Variants in COL3A1 observed in about 807,000 individuals in gnomAD.
The protein encoded by COL3A1 is collagen type III alpha 1 chain.
COL3A1 carries 46 observed loss-of-function variants against 200.9 expected under a neutral mutation model. That is an observed-to-expected ratio of 0.23 (90% CI 0.18 to 0.29). The LOEUF (loss-of-function observed/expected upper bound fraction) is 0.29. Ranked by LOEUF, COL3A1 falls within the 10% of genes least tolerant of loss-of-function variation. The probability of loss-of-function intolerance (pLI) is 1.00; values close to 1 mark genes in which losing one functional copy is unlikely to be tolerated. For missense variants in COL3A1, 1,367 were observed against 1,917.6 expected (o/e 0.71, Z 5.36); for synonymous variants, 650 against 628.0 (o/e 1.03, Z -0.52).
At chr2:188,995,454 A>ATTTTTAAGC (rs1350813986) in intron 21 of COL3A1, among the ~76,000 whole-genome samples, 1 of 152,224 alleles carries the variant, frequency 6.6e-6, no homozygotes, top group African/African-American at 2.4e-5. Context: ...ACATAATTAT[A>ATTTTTAAGC]TTTTTAAGCA....
chr2:188,987,093 A>C lies in COL3A1; in HGVS notation c.482A>C (p.Lys161Thr). The C allele has an allele frequency of 6.2e-7, 1 of 1,613,106 alleles. No individual in the cohort carries two copies. Among genetic ancestry groups the C allele is most frequent in the South Asian group, 1.1e-5 (1 of 91,068 alleles). Residue 161 changes from lysine to threonine, a missense_variant, in exon 5 of 51, where the codon AAG (lysine) becomes ACG (threonine). Lys to Thr is a moderately conservative substitution (Grantham distance 78). This residue lies in a region of COL3A1 where 462 missense variants were observed against 681.4 expected (regional missense o/e 0.68). Transcript: ENST00000304636. ...YSPQYDSYDV[K>T]SGVAVGGLAG... ...CCCCAGTATGATTCATATGATGTCA[A>C]GTCTGGAGTAGCAGTAGGAGGACTC...
chr2:189,011,976 G>C lies in COL3A1; in HGVS notation c.*202G>C. 1 of 615,846 alleles carries C rather than the reference G, an allele frequency of 1.6e-6. No individual in the cohort carries two copies. The highest frequency in any genetic ancestry group is 2.0e-5 in the South Asian group (1 of 49,408). 38.1% of individuals were successfully genotyped at this position (615,846 alleles called of 1,614,324 possible). A position where few individuals can be genotyped will look rare whatever the true frequency, so the allele number is the denominator to read the frequency against. On this transcript the variant is annotated 3_prime_UTR_variant, in exon 51 of 51. Transcript: ENST00000304636. Reference sequence around the variant, plus strand: ...ACCAAATACAATTCAAATGCTTTTTGTTTTATTTTTTTACCAATTCCAATT... The same window carrying C: ...ACCAAATACAATTCAAATGCTTTTTCTTTTATTTTTTTACCAATTCCAATT...
At chr2:189,010,154 C>T (rs1023907607) in intron 48 of COL3A1, 24 bp from the exon 49 acceptor site, 1 of 1,612,088 alleles carries the variant, frequency 6.2e-7, no homozygotes, top group African/African-American at 1.3e-5. Flanking sequence ...TAACCAATTC[C>T]CATTCTTTTT....
chr2:188,976,287 G>GT (rs1213314725), intron 1 of COL3A1, among the ~76,000 whole-genome samples: 13 of 133,282 alleles, frequency 9.8e-5, no homozygotes, highest in Admixed American at 1.5e-4. Flanking sequence ...CAACTTTAGT[G>GT]GGGGGGTGTT....
rs1229889223 is a variant in COL3A1 at position 188,994,630 on chromosome 2, A to C, written c.1347+36A>C. On this transcript the variant is annotated intron_variant, in intron 19 of 50. Transcript: ENST00000304636. This position sits in a 1 kb window ranked among gnomAD's most constrained non-coding sequence, Gnocchi z 4.5. ...CTGCAACAGATCTGGTTATTTCTTGAAAAAATGCAACATAATTAGAAAGTA... is the reference window on the plus strand; with the variant it reads ...CTGCAACAGATCTGGTTATTTCTTGCAAAAATGCAACATAATTAGAAAGTA... 1 of 1,613,866 alleles carries C rather than the reference A, an allele frequency of 6.2e-7. No individual in the cohort carries two copies. Among genetic ancestry groups the C allele is most frequent in the East Asian group, 2.2e-5 (1 of 44,878 alleles).
At chr2:188,998,158 C>A in intron 27 of COL3A1, 108 bp from the exon 28 acceptor site, 1 of 998,668 alleles carries the variant, frequency 1.0e-6, no homozygotes, top group Non-Finnish European at 1.6e-6. Flanking sequence ...CCCTACAAGA[C>A]CACTGGAACT....
chr2:188,983,124 T>C (rs1687989192), intron 1 of COL3A1, among the ~76,000 whole-genome samples: 2 of 151,974 alleles, frequency 1.3e-5, no homozygotes, highest in Admixed American at 1.3e-4. Context: ...TTTTAAAAGC[T>C]TAGGAAATGT....
At chr2:188,995,009 C>T in intron 20 of COL3A1, 37 bp from the exon 21 acceptor site, 1 of 1,607,490 alleles carries the variant, frequency 6.2e-7, no homozygotes, top group Non-Finnish European at 8.5e-7. Context: ...GAATTGAAAT[C>T]CTTTGGACTG....
At chr2:189,007,965 G>C (rs760056762) in intron 46 of COL3A1, 27 bp downstream of exon 46, 1 of 1,614,064 alleles carries the variant, frequency 6.2e-7, no homozygotes, top group Non-Finnish European at 8.5e-7. Context: ...GATATTACAG[G>C]TCCACATGTT....
At position 188,990,354 on chromosome 2, in the gene COL3A1, A is replaced by G. The variant is rs113304344; in HGVS notation, c.792A>G (p.Gly264=). The G allele has an allele frequency of 1.6e-5, 26 of 1,612,804 alleles. No homozygotes were observed. The highest frequency in any genetic ancestry group is 2.7e-5 in the African/African-American group (2 of 74,906). Residue 264 remains glycine, a synonymous_variant, in exon 10 of 51, where the codon GGA becomes GGG. Coordinates refer to ENST00000304636, the MANE Select transcript of COL3A1 (RefSeq NM_000090.4). ...AGIPGFPGMK[G]HRGFDGRNGE... Reference sequence around the variant, plus strand: ...TACCTGGATTCCCTGGTATGAAAGGACACAGAGTAAGTAGAGTTTCTAAGT... The same window carrying G: ...TACCTGGATTCCCTGGTATGAAAGGGCACAGAGTAAGTAGAGTTTCTAAGT...
Position 188,994,929 on chromosome 2 carries a change from T to C in COL3A1, c.1455+98T>C, listed in dbSNP as rs973327006. The C allele has an allele frequency of 6.5e-7, 1 of 1,546,906 alleles. No homozygotes were observed. The highest frequency in any genetic ancestry group is 1.4e-5 in the African/African-American group (1 of 73,462). ...GACAGCCAATTTTTCTTAAGTTGAG[T>C]GTTCAGTGAAAATATTGTTTAAAGC... On this transcript the variant is annotated intron_variant, in intron 20 of 50. Transcript: ENST00000304636. This position sits in a 1 kb window ranked among gnomAD's most constrained non-coding sequence, Gnocchi z 4.5.
chr2:189,008,780 G>C, intron 47 of COL3A1, 144 bp from the exon 48 acceptor site: 2 of 863,402 alleles, frequency 2.3e-6, no homozygotes. Context: ...TGACCCTAAA[G>C]GCACCCAAAT....
In COL3A1 at chr2:188,985,212, A is replaced by G; in HGVS notation, c.298A>G (p.Asn100Asp). 1 of 1,612,492 alleles carries G rather than the reference A, an allele frequency of 6.2e-7. No homozygotes were observed. The highest frequency in any genetic ancestry group is 8.5e-7 in the Non-Finnish European group (1 of 1,178,814). ...QPPTAPTRPP[N>D]GQGPQGPKGD... ...CATTTATTAGCCTACTCGCCCTCCTAATGGTCAAGGACCTCAAGGCCCCAA... is the reference window on the plus strand; with the variant it reads ...CATTTATTAGCCTACTCGCCCTCCTGATGGTCAAGGACCTCAAGGCCCCAA... The change falls in exon 3 of 51, where the codon AAT (asparagine) becomes GAT (aspartate). Residue 100 changes from asparagine to aspartate, a missense_variant. Around this residue, in one of 5 missense-constraint regions of COL3A1, gnomAD observed 462 missense variants for 681.4 expected, o/e 0.68. Transcript: ENST00000304636.
At chr2:188,986,619 G>A (rs1347344571) in intron 4 of COL3A1, among the ~76,000 whole-genome samples, 1 of 151,898 alleles carries the variant, frequency 6.6e-6, no homozygotes, top group Non-Finnish European at 1.5e-5. Context: ...GAATCCAGGG[G>A]ATATGAATTT....
chr2:188,988,729 A>C (rs550009137), intron 7 of COL3A1, 86 bp downstream of exon 7: 1 of 896,732 alleles, frequency 1.1e-6, no homozygotes, highest in South Asian at 1.5e-5. Context: ...ATAGGTCTTT[A>C]CAGAATGAAG....
In COL3A1 at chr2:189,009,023, G is replaced by C; in HGVS notation, c.3625G>C (p.Gly1209Arg). 1 of 1,614,180 alleles carries C rather than the reference G, an allele frequency of 6.2e-7. No individual in the cohort carries two copies. The highest frequency in any genetic ancestry group is 8.5e-7 in the Non-Finnish European group (1 of 1,180,038). Residue 1209 changes from glycine to arginine, a missense_variant, in exon 48 of 51, where the codon GGA becomes CGA. Gly to Arg is a moderately radical substitution (Grantham distance 125). Coordinates refer to ENST00000304636, the MANE Select transcript of COL3A1 (RefSeq NM_000090.4). ...TGGAGCCGCTGCCATTGCTGGGATT[G>C]GAGGTGAAAAAGCTGGCGGTTTTGC... ...GVGAAAIAGI[G>R]GEKAGGFAPY...
At chr2:188,991,337 G>A in intron 11 of COL3A1, 150 bp from the exon 12 acceptor site, 1 of 634,806 alleles carries the variant, frequency 1.6e-6, no homozygotes, top group Non-Finnish European at 2.6e-6. Flanking sequence ...TGAGATTTCT[G>A]GTAAATAAAA....
chr2:189,003,649 G>T, intron 37 of COL3A1, 85 bp from the exon 38 acceptor site: 2 of 1,474,532 alleles, frequency 1.4e-6, no homozygotes, highest in Admixed American at 1.7e-5. Flanking sequence ...GTACAATGCA[G>T]ATCATGCCAC....
At position 189,012,190 on chromosome 2, in the gene COL3A1, A is replaced by G. The variant is rs554293426; in HGVS notation, c.*416A>G. 2.3e-5 allele frequency: 4 copies of G among 177,292 alleles called. No homozygotes were observed. The South Asian group carries it at 5.0e-4, about 22-fold the overall frequency. The allele number at this position is 177,292 out of a possible 1,614,324, so 11.0% of individuals were successfully genotyped here. On this transcript the variant is annotated 3_prime_UTR_variant, in exon 51 of 51. Transcript: ENST00000304636. ...AGCCCTCCCTATTTTAACTACCTCAACTGGTCAGAAACACAGATTGTATTC... is the reference window on the plus strand; with the variant it reads ...AGCCCTCCCTATTTTAACTACCTCAGCTGGTCAGAAACACAGATTGTATTC...
Sources: allele counts gnomAD v4.1 joint callset (sites outside exome capture counted in the v4.1 genomes callset), GRCh38; gene constraint gnomAD v4.1.1; regional missense constraint gnomAD v4.1.1; non-coding constraint Gnocchi (gnomAD v3.1); transcripts MANE v1.5; gene names NCBI Gene and HGNC (gene_info 2026-07-23, HGNC 2026-07-21).